The following OTOGL variants were observed in gnomAD, a reference collection of about 807,000 sequenced individuals.
OTOGL encodes the protein otogelin like.
In OTOGL, 285 loss-of-function variants were observed where a neutral mutation model predicts 318.5. That is an observed-to-expected ratio of 0.89 (90% confidence interval 0.81 to 0.99). The LOEUF (loss-of-function observed/expected upper bound fraction) is 0.99. Among genes scored for constraint, OTOGL ranks in the 50% least tolerant of loss-of-function variants. OTOGL has a pLI of 0.00. For missense variants in OTOGL, 2,899 were observed against 2,845.6 expected (o/e 1.02, Z -0.43); for synonymous variants, 987 against 936.5 (o/e 1.05, Z -0.99).
Position 80,249,693 on chromosome 12 carries a change from C to T in OTOGL, c.1053-2000C>T, listed in dbSNP as rs185256924. Among the ~76,000 whole-genome samples the T allele has an allele frequency of 3.8e-3, 583 of 152,152 alleles. 9 individuals carry two copies. The highest frequency in any genetic ancestry group is 0.013 in the African/African-American group (553 of 41,538). On this transcript the variant is annotated intron_variant, in intron 11 of 58. Coordinates refer to ENST00000547103, the MANE Select transcript of OTOGL (RefSeq NM_001378609.3). ...CTCCTTGAGCTGTGGTGGGCTCCAC[C>T]CAGTTCGAGCTTCCCGGCTGCTTTG...
chr12:80,217,968 A>G (rs1592559808), intron 5 of OTOGL, among the ~76,000 whole-genome samples: 1 of 152,176 alleles, frequency 6.6e-6, no homozygotes, highest in Admixed American at 6.5e-5. Context: ...TTTGTTACCA[A>G]TTCCCCATTT....
intron 6 of OTOGL, among the ~76,000 whole-genome samples, chr12:80,221,632 C>T (rs1331872670): frequency 6.6e-6 from 1 of 151,546 alleles, no homozygotes; most frequent in East Asian, 1.9e-4. Context: ...GTAAATATGA[C>T]TTTTTTTGGT....
chr12:80,342,733 T>C (rs1198618936), intron 44 of OTOGL, among the ~76,000 whole-genome samples: 1 of 152,190 alleles, frequency 6.6e-6, no homozygotes, highest in African/African-American at 2.4e-5. Context: ...CTGTGTTAGA[T>C]TCCTGTGATA....
At chr12:80,276,410 GTTATTGTTCTTATAGTTC>G (rs1883813269) in intron 24 of OTOGL, among the ~76,000 whole-genome samples, 1 of 151,690 alleles carries the variant, frequency 6.6e-6, no homozygotes, top group South Asian at 2.1e-4. Flanking sequence ...TATTAGTTTT[GTTATTGTTCTTATAGTTC>G]TTATTGTTCT....
chr12:80,272,741 G>GC (rs1352119242), intron 24 of OTOGL, among the ~76,000 whole-genome samples: 6 of 152,020 alleles, frequency 3.9e-5, no homozygotes, highest in East Asian at 1.9e-4. Context: ...TGTCTAAATG[G>GC]CCCCCATCTG....
intron 1 of OTOGL, among the ~76,000 whole-genome samples, chr12:80,147,091 T>C (rs1300969033): frequency 2.0e-5 from 3 of 151,860 alleles, no homozygotes; most frequent in Non-Finnish European, 4.4e-5. Context: ...TCTTGCCTTC[T>C]GCTAGCTTTT....
intron 37 of OTOGL, among the ~76,000 whole-genome samples, chr12:80,330,419 A>G (rs1464048378): frequency 1.3e-5 from 2 of 152,202 alleles, no homozygotes; most frequent in African/African-American, 4.8e-5. Flanking sequence ...AGTATAGTTT[A>G]AAGCATGCTT....
At chr12:80,278,903 C>T (rs1280400302) in intron 25 of OTOGL, 125 bp from the exon 26 acceptor site, 12 of 1,078,730 alleles carry the variant, frequency 1.1e-5, no homozygotes, top group Non-Finnish European at 1.6e-5. Flanking sequence ...AATGAACTGG[C>T]AATATTCGTA....
At chr12:80,112,864 A>G (rs1869934701) in intron 1 of OTOGL, among the ~76,000 whole-genome samples, 1 of 152,134 alleles carries the variant, frequency 6.6e-6, no homozygotes, top group South Asian at 2.1e-4. Context: ...GGTGGAATTC[A>G]GCTGTGAATC....
At chr12:80,165,125 G>A (rs757141196) in intron 1 of OTOGL, among the ~76,000 whole-genome samples, 1 of 152,114 alleles carries the variant, frequency 6.6e-6, no homozygotes, top group Non-Finnish European at 1.5e-5. Flanking sequence ...GGAGGCATGT[G>A]CTAAATGGGT....
intron 11 of OTOGL, among the ~76,000 whole-genome samples, chr12:80,243,508 T>C (rs141665098): frequency 0.046 from 7,029 of 151,578 alleles, 550 homozygotes; most frequent in African/African-American, 0.16. Context: ...TCTTGAAACA[T>C]TAAAAAAAAG....
At chr12:80,342,560 T>C (rs1247287571) in intron 44 of OTOGL, among the ~76,000 whole-genome samples, 1 of 152,248 alleles carries the variant, frequency 6.6e-6, no homozygotes, top group Non-Finnish European at 1.5e-5. Flanking sequence ...TTACTCAATT[T>C]ACTTGGTCTT....
At position 80,358,721 on chromosome 12, in the gene OTOGL, A is replaced by G. The variant is rs1388452990; in HGVS notation, c.6172A>G (p.Met2058Val). ...GCCATTACTCAACTGTGCAGAAGAT[A>G]TGAATCTTGTGAAAGAAAATGTATC... is the stretch of plus-strand genomic sequence containing the variant. ...PMPLLNCAED[M>V]NLVKENVSGQ... Residue 2058 changes from methionine to valine, a missense_variant, in exon 51 of 59, where the codon ATG becomes GTG. This residue lies in a region of OTOGL where 2,607 missense variants were observed against 2,524.9 expected (regional missense o/e 1.03). Coordinates refer to ENST00000547103, the MANE Select transcript of OTOGL (RefSeq NM_001378609.3). 9 of 1,613,380 alleles carry G rather than the reference A, an allele frequency of 5.6e-6. No homozygotes were observed. In the South Asian group the frequency reaches 9.9e-5, roughly 18 times the overall value.
chr12:80,344,776 G>T (rs1035744966), intron 44 of OTOGL, among the ~76,000 whole-genome samples: 4 of 151,480 alleles, frequency 2.6e-5, no homozygotes, highest in African/African-American at 9.7e-5. Flanking sequence ...GGAAAGTCAG[G>T]CTTGTCCATC....
chr12:80,219,752 T>C (rs1355480793), intron 5 of OTOGL, 62 bp from the exon 6 acceptor site: 1 of 1,036,934 alleles, frequency 9.6e-7, no homozygotes, highest in Non-Finnish European at 1.5e-6. Flanking sequence ...TATCTTGACA[T>C]ATTATGCTTA....
chr12:80,116,140 C>T (rs927034628), intron 1 of OTOGL, among the ~76,000 whole-genome samples: 1 of 152,176 alleles, frequency 6.6e-6, no homozygotes, highest in Admixed American at 6.5e-5. Flanking sequence ...GCCCAAATGG[C>T]CGCCCAGTTT....
intron 44 of OTOGL, among the ~76,000 whole-genome samples, chr12:80,348,423 A>G (rs1375148062): frequency 1.3e-5 from 2 of 152,048 alleles, no homozygotes; most frequent in East Asian, 1.9e-4. Context: ...GAAAGATCAG[A>G]TAGTTGTGAT....
rs757329390 is a variant in OTOGL at position 80,328,620 on chromosome 12, T to G, written c.4200-45T>G. 16 of 1,412,148 alleles carry G rather than the reference T, an allele frequency of 1.1e-5. No homozygotes were observed. The East Asian group carries it at 3.4e-4, about 30-fold the overall frequency. The allele number at this position is 1,412,148 out of a possible 1,614,324, so 87.5% of individuals were successfully genotyped here. On this transcript the variant is annotated intron_variant, in intron 35 of 58. Coordinates refer to ENST00000547103, the MANE Select transcript of OTOGL (RefSeq NM_001378609.3). ...AAATGTAGTCCTTTTTTTTTTGTAT[T>G]TCAAACTTTTCTTCACTTTGATTTA...
intron 11 of OTOGL, 45 bp from the exon 12 acceptor site, chr12:80,251,648 T>C: frequency 6.9e-7 from 1 of 1,454,552 alleles, no homozygotes; most frequent in African/African-American, 1.4e-5. Flanking sequence ...ATGGTTTCTG[T>C]CAATATTTCC....
Sources: gnomAD v4.1 joint callset for allele counts (sites outside exome capture counted in the v4.1 genomes callset) on GRCh38, gnomAD v4.1.1 for gene constraint, gnomAD v4.1.1 regional missense constraint, MANE v1.5 for transcripts, NCBI Gene and HGNC (gene_info 2026-07-23, HGNC 2026-07-21) for gene names.